HHAT: variants seen among roughly 807,000 people sequenced by gnomAD.
The protein encoded by HHAT is hedgehog acyltransferase, also known as protein-cysteine N-palmitoyltransferase HHAT.
A neutral mutation model predicts 70.8 loss-of-function variants in HHAT; 47 were observed. The ratio of observed to expected loss-of-function variants is 0.66; its 90% CI spans 0.53 to 0.85. The LOEUF (loss-of-function observed/expected upper bound fraction) is 0.85. Ranked by LOEUF, HHAT falls within the 40% of genes least tolerant of loss-of-function variation. The probability of loss-of-function intolerance (pLI) is 0.00; values close to 1 mark genes in which losing one functional copy is unlikely to be tolerated. For synonymous variants in HHAT, 228 were observed against 247.6 expected (o/e 0.92, Z 0.74); for missense variants, 609 against 604.8 (o/e 1.01, Z -0.07).
intron 1 of HHAT, among the ~76,000 whole-genome samples, chr1:210,348,233 T>C (rs1043046418): frequency 1.3e-5 from 2 of 152,020 alleles, no homozygotes; most frequent in South Asian, 2.1e-4. Context: ...ATAAAGTGCA[T>C]AGATGCATGG....
At chr1:210,366,568 A>G (rs143403839) in intron 3 of HHAT, among the ~76,000 whole-genome samples, 4 of 152,318 alleles carry the variant, frequency 2.6e-5, no homozygotes, top group African/African-American at 4.8e-5. Flanking sequence ...GTGAGCAGAG[A>G]TCGTGCCACT....
intron 7 of HHAT, among the ~76,000 whole-genome samples, chr1:210,449,039 C>T (rs1029085886): frequency 6.6e-6 from 1 of 150,758 alleles, no homozygotes; most frequent in Non-Finnish European, 1.5e-5. Flanking sequence ...TGTACACACA[C>T]ACCATGCATG....
chr1:210,403,165 C>G (rs7551407), intron 5 of HHAT, among the ~76,000 whole-genome samples: 63,837 of 152,012 alleles, frequency 0.42, 13,915 homozygotes, highest in Non-Finnish European at 0.47. Context: ...GTGGGGCTAG[C>G]ATTTTAAGCA....
intron 1 of HHAT, among the ~76,000 whole-genome samples, chr1:210,329,733 C>T (rs1042229266): frequency 1.3e-5 from 2 of 152,122 alleles, no homozygotes; most frequent in African/African-American, 2.4e-5. Context: ...GACATTGCTT[C>T]TCTTTCTGTT....
chr1:210,464,363 C>T (rs1209231383), intron 7 of HHAT, 142 bp from the exon 8 acceptor site: 2 of 789,468 alleles, frequency 2.5e-6, no homozygotes, highest in Non-Finnish European at 4.2e-6. Context: ...GTGTGGAATA[C>T]TTTTGTGAAA....
intron 4 of HHAT, among the ~76,000 whole-genome samples, chr1:210,389,516 C>A (rs1380172159): frequency 6.6e-6 from 1 of 152,210 alleles, no homozygotes; most frequent in Non-Finnish European, 1.5e-5. Context: ...ATCATGGGGG[C>A]AGACTTCCCC....
intron 8 of HHAT, among the ~76,000 whole-genome samples, chr1:210,474,167 C>G (rs538717880): frequency 6.6e-6 from 1 of 152,170 alleles, no homozygotes; most frequent in Non-Finnish European, 1.5e-5. Flanking sequence ...AGACCACCCC[C>G]CATAGAATCC....
chr1:210,375,863 TAAAAAAA>T (rs71678097), intron 3 of HHAT, among the ~76,000 whole-genome samples: 1 of 143,640 alleles, frequency 7.0e-6, no homozygotes. Flanking sequence ...GTTCAATAAT[TAAAAAAA>T]AAAAAAAATC....
intron 10 of HHAT, among the ~76,000 whole-genome samples, chr1:210,597,544 A>C (rs1663281614): frequency 6.6e-6 from 1 of 152,074 alleles, no homozygotes; most frequent in Non-Finnish European, 1.5e-5. Context: ...CCAGGCTGCA[A>C]TACAAAGTCC....
chr1:210,664,362 T>A (rs997161894), intron 11 of HHAT, among the ~76,000 whole-genome samples: 3 of 152,212 alleles, frequency 2.0e-5, no homozygotes, highest in Non-Finnish European at 4.4e-5. Flanking sequence ...CTATCAGATC[T>A]GAACATGGTT....
intron 7 of HHAT, among the ~76,000 whole-genome samples, chr1:210,447,158 TATC>T (rs1000603980): frequency 3.2e-4 from 48 of 152,324 alleles, no homozygotes; most frequent in African/African-American, 1.1e-3. Context: ...GAAAACCACT[TATC>T]ATCTCTGAAT....
At chr1:210,486,186 T>C (rs1025363924) in intron 8 of HHAT, among the ~76,000 whole-genome samples, 2 of 152,140 alleles carry the variant, frequency 1.3e-5, no homozygotes, top group African/African-American at 4.8e-5. Context: ...CCCTAAATGA[T>C]CCCTTTTGAT....
chr1:210,666,020 T>C (rs73065532), intron 11 of HHAT, among the ~76,000 whole-genome samples: 31 of 152,344 alleles, frequency 2.0e-4, no homozygotes, highest in African/African-American at 7.5e-4. Context: ...ACTATGGTGC[T>C]GGGTGGCTAG....
At chr1:210,505,858 C>T (rs1296916639) in intron 8 of HHAT, among the ~76,000 whole-genome samples, 1 of 152,140 alleles carries the variant, frequency 6.6e-6, no homozygotes, top group African/African-American at 2.4e-5. Context: ...TAAAACATAC[C>T]TCAGTTGTAT....
intron 9 of HHAT, among the ~76,000 whole-genome samples, chr1:210,520,802 A>G (rs966446938): frequency 2.0e-5 from 3 of 152,158 alleles, no homozygotes; most frequent in Non-Finnish European, 4.4e-5. Context: ...ACATATTTTG[A>G]ATAAGAATCT....
At chr1:210,419,259 A>T (rs80102091) in intron 7 of HHAT, among the ~76,000 whole-genome samples, 3,948 of 152,150 alleles carry the variant, frequency 0.026, 174 homozygotes, top group African/African-American at 0.09. Flanking sequence ...GCGTGTGTGT[A>T]TTTCCCTCTG....
At chr1:210,569,801 C>G (rs1045414322) in intron 9 of HHAT, among the ~76,000 whole-genome samples, 27 of 152,156 alleles carry the variant, frequency 1.8e-4, no homozygotes, top group African/African-American at 6.5e-4. Context: ...TGCAAGTTGC[C>G]TGTAGCTCCA....
At chr1:210,386,428 C>T (rs1291321412) in intron 3 of HHAT, among the ~76,000 whole-genome samples, 1 of 150,418 alleles carries the variant, frequency 6.6e-6, no homozygotes, top group Non-Finnish European at 1.5e-5. Context: ...TTAGTAGAGA[C>T]GGGGTTTCAC....
At chr1:210,370,036 G>A (rs932099365) in intron 3 of HHAT, among the ~76,000 whole-genome samples, 2 of 151,818 alleles carry the variant, frequency 1.3e-5, no homozygotes, top group Admixed American at 1.3e-4. Flanking sequence ...GCCTTGCCCT[G>A]TCTCTCTCTT....
Sources: gnomAD v4.1 joint callset for allele counts (sites outside exome capture counted in the v4.1 genomes callset) on GRCh38, gnomAD v4.1.1 for gene constraint, MANE v1.5 for transcripts, NCBI Gene and HGNC (gene_info 2026-07-23, HGNC 2026-07-21) for gene names.